GRID1: variants seen among roughly 807,000 people sequenced by gnomAD.
The protein encoded by GRID1 is glutamate ionotropic receptor delta type subunit 1.
GRID1 carries 28 observed loss-of-function variants against 98.0 expected under a neutral mutation model. The ratio of observed to expected loss-of-function variants is 0.29; its 90% CI spans 0.21 to 0.39. GRID1 has a LOEUF of 0.39. Ranked by LOEUF, GRID1 falls within the 10% of genes least tolerant of loss-of-function variation. GRID1 has a pLI of 1.00. For missense variants in GRID1, 1,111 were observed against 1,340.5 expected (o/e 0.83, Z 2.67); for synonymous variants, 553 against 538.5 (o/e 1.03, Z -0.37).
chr10:85,819,668 C>G (rs948545584), intron 8 of GRID1, among the ~76,000 whole-genome samples: 1 of 152,126 alleles, frequency 6.6e-6, no homozygotes, highest in Non-Finnish European at 1.5e-5. Flanking sequence ...AATCCTAGCA[C>G]TTTGGGAGGC....
At chr10:85,928,651 T>C (rs1300330659) in intron 4 of GRID1, among the ~76,000 whole-genome samples, 2 of 152,236 alleles carry the variant, frequency 1.3e-5, no homozygotes, top group Admixed American at 1.3e-4. Context: ...GCTGCCCCAC[T>C]TTCAAGCCCC....
intron 2 of GRID1, among the ~76,000 whole-genome samples, chr10:86,234,612 C>G (rs1846506647): frequency 6.6e-6 from 1 of 152,202 alleles, no homozygotes; most frequent in Non-Finnish European, 1.5e-5. Flanking sequence ...CAAGCCATGG[C>G]CCAAGCCCCC....
chr10:85,695,964 A>T (rs1205578640), intron 12 of GRID1, among the ~76,000 whole-genome samples: 1 of 152,206 alleles, frequency 6.6e-6, no homozygotes, highest in Non-Finnish European at 1.5e-5. Flanking sequence ...TCATCTTCAG[A>T]CATGTCTGAC....
chr10:85,677,142 C>T (rs1294057209), intron 12 of GRID1, among the ~76,000 whole-genome samples: 2 of 152,188 alleles, frequency 1.3e-5, no homozygotes, highest in Non-Finnish European at 2.9e-5. Flanking sequence ...CAGCCAGAGC[C>T]TCCTTAGTGT....
chr10:85,926,779 T>A (rs763355377), intron 4 of GRID1, among the ~76,000 whole-genome samples: 21 of 152,114 alleles, frequency 1.4e-4, no homozygotes, highest in Non-Finnish European at 2.2e-4. Context: ...ATTCGATTTG[T>A]AGGGACTGTG....
At chr10:86,308,921 G>A (rs942083847) in intron 2 of GRID1, among the ~76,000 whole-genome samples, 7 of 152,200 alleles carry the variant, frequency 4.6e-5, no homozygotes, top group South Asian at 2.1e-4. Flanking sequence ...CGACCTACTC[G>A]CCTTTTAATG....
chr10:85,919,154 G>A (rs1050788537), intron 4 of GRID1, among the ~76,000 whole-genome samples: 2 of 152,310 alleles, frequency 1.3e-5, no homozygotes, highest in African/African-American at 2.4e-5. Flanking sequence ...TGCTTGTCCT[G>A]GAAGAAGCCA....
chr10:85,849,743 T>C (rs1843040224), intron 8 of GRID1, among the ~76,000 whole-genome samples: 1 of 152,190 alleles, frequency 6.6e-6, no homozygotes. Flanking sequence ...CCCCAGTCTC[T>C]GGGCCTCTGT....
intron 12 of GRID1, among the ~76,000 whole-genome samples, chr10:85,673,699 A>G (rs1365566530): frequency 3.9e-5 from 6 of 152,250 alleles, no homozygotes; most frequent in Non-Finnish European, 7.3e-5. Flanking sequence ...TACTTAATAG[A>G]CTACAGTATA....
At chr10:86,224,840 C>T (rs1191990364) in intron 2 of GRID1, among the ~76,000 whole-genome samples, 1 of 152,204 alleles carries the variant, frequency 6.6e-6, no homozygotes, top group East Asian at 1.9e-4. Context: ...CCCAGGAAGC[C>T]CTTGAGATTT....
rs914100866 is a variant in GRID1 at position 86,073,368 on chromosome 10, G to A, written c.726+65451C>T. Among the ~76,000 whole-genome samples the A allele has an allele frequency of 2.0e-5, 3 of 152,310 alleles. No homozygotes were observed. In the South Asian group the frequency reaches 6.2e-4, roughly 32 times the overall value. On this transcript the variant is annotated intron_variant, in intron 4 of 15. Coordinates refer to ENST00000327946, the MANE Select transcript of GRID1 (RefSeq NM_017551.3). ...ATTCCCTGTTACACACTGGGGTAGG[G>A]TGAAGCCAGACTTCATCTGTGTGCT...
At position 85,602,517 on chromosome 10, in the gene GRID1, G is replaced by A. The variant is rs1321535900; in HGVS notation, c.2786C>T (p.Thr929Ile). The change falls in exon 16 of 16, where the codon ACC becomes ATC. Residue 929 changes from threonine to isoleucine, a missense_variant. By Grantham distance (89) the Thr-to-Ile change is moderately conservative. This residue lies in a region of GRID1 where 762 missense variants were observed against 869.1 expected (regional missense o/e 0.88). Transcript: ENST00000327946. ...ATGGCTGCTCTGCTCTGGCAGAAAGGTGCTGACCGAGAGCTGGGTGTTCTG... is the reference window on the plus strand; with the variant it reads ...ATGGCTGCTCTGCTCTGGCAGAAAGATGCTGACCGAGAGCTGGGTGTTCTG... ...EYQNTQLSVSTFLPEQSSHGT... is the reference protein window; with the variant it reads ...EYQNTQLSVSIFLPEQSSHGT... The A allele has an allele frequency of 6.2e-7, 1 of 1,614,202 alleles. No homozygotes were observed. The highest frequency in any genetic ancestry group is 8.5e-7 in the Non-Finnish European group (1 of 1,180,036).
chr10:85,890,765 CAAGGGAGAGAAG>C (rs1841189084), intron 5 of GRID1, among the ~76,000 whole-genome samples: 1 of 151,506 alleles, frequency 6.6e-6, no homozygotes, highest in Non-Finnish European at 1.5e-5. Context: ...AGCAAAGGAG[CAAGGGAGAGAAG>C]AAGGAAGAGA....
intron 8 of GRID1, among the ~76,000 whole-genome samples, chr10:85,769,823 A>G (rs1842238618): frequency 6.6e-6 from 1 of 152,228 alleles, no homozygotes; most frequent in Non-Finnish European, 1.5e-5. Flanking sequence ...GCAGCAGGGA[A>G]GCTCCAACTG....
chr10:86,361,075 G>A (rs1296752816), intron 2 of GRID1, among the ~76,000 whole-genome samples: 2 of 152,194 alleles, frequency 1.3e-5, no homozygotes, highest in Non-Finnish European at 2.9e-5. Context: ...TGCAATGGAT[G>A]TCCAGGCCCA....
chr10:86,120,153 T>C (rs968509317), intron 4 of GRID1, among the ~76,000 whole-genome samples: 1 of 152,132 alleles, frequency 6.6e-6, no homozygotes, highest in South Asian at 2.1e-4. Flanking sequence ...TATAGAGTCC[T>C]TCCCAGCCTG....
At chr10:86,352,855 C>T (rs1415965307) in intron 2 of GRID1, among the ~76,000 whole-genome samples, 1 of 152,150 alleles carries the variant, frequency 6.6e-6, no homozygotes, top group Non-Finnish European at 1.5e-5. Flanking sequence ...GGTGGGCAGG[C>T]AGACTGGCTC....
chr10:85,950,845 T>C (rs901659154), intron 4 of GRID1, among the ~76,000 whole-genome samples: 1 of 152,124 alleles, frequency 6.6e-6, no homozygotes, highest in Non-Finnish European at 1.5e-5. Flanking sequence ...GCACCACTCC[T>C]CTCCAAATGC....
At chr10:86,357,060 C>T (rs1172946256) in intron 2 of GRID1, among the ~76,000 whole-genome samples, 1 of 152,192 alleles carries the variant, frequency 6.6e-6, no homozygotes, top group Non-Finnish European at 1.5e-5. Flanking sequence ...GAAATGGCTC[C>T]AGGAGGAAAA....
Sources: gnomAD v4.1 joint callset for allele counts (sites outside exome capture counted in the v4.1 genomes callset) on GRCh38, gnomAD v4.1.1 for gene constraint, gnomAD v4.1.1 regional missense constraint, MANE v1.5 for transcripts, NCBI Gene and HGNC (gene_info 2026-07-23, HGNC 2026-07-21) for gene names.